The following F2RL1 variants were observed in gnomAD, a reference collection of about 807,000 sequenced individuals.
F2RL1 encodes F2R like trypsin receptor 1, also known as proteinase-activated receptor 2.
A neutral mutation model predicts 21.7 loss-of-function variants in F2RL1; 16 were observed. The observed-to-expected ratio is 0.74, with a 90% CI of 0.50 to 1.12. The LOEUF is 1.12. Ranked by LOEUF, F2RL1 falls within the 50% of genes most tolerant of loss-of-function variation. The pLI, the probability that F2RL1 is intolerant of heterozygous loss-of-function variation, is 0.00. For synonymous variants in F2RL1, 181 were observed against 186.7 expected, an observed-to-expected ratio of 0.97 and a Z score of 0.25; for missense variants, 432 against 477.8, an observed-to-expected ratio of 0.90 and a Z score of 0.89.
Position 76,833,619 on chromosome 5 carries a change from T to C in F2RL1, c.1012T>C (p.Cys338Arg). ...CCTCTGCCTCTCTACCCTTAACAGCTGCATCGACCCCTTTGTCTATTACTT... is the reference window on the plus strand; with the variant it reads ...CCTCTGCCTCTCTACCCTTAACAGCCGCATCGACCCCTTTGTCTATTACTT... Reference protein sequence around the residue: ...VALCLSTLNSCIDPFVYYFVS... With the variant: ...VALCLSTLNSRIDPFVYYFVS... Residue 338 changes from cysteine to arginine, a missense_variant, in exon 2 of 2, where the codon TGC (cysteine) becomes CGC (arginine). Coordinates refer to ENST00000296677, the MANE Select transcript of F2RL1 (RefSeq NM_005242.6). The C allele has an allele frequency of 6.2e-7, 1 of 1,613,954 alleles. No individual in the cohort carries two copies. The highest frequency in any genetic ancestry group is 8.5e-7 in the Non-Finnish European group (1 of 1,179,998).
intron 1 of F2RL1, among the ~76,000 whole-genome samples, chr5:76,821,145 C>T (rs1319906738): frequency 2.4e-4 from 36 of 152,102 alleles, no homozygotes; most frequent in Admixed American, 2.4e-3. Context: ...CGAACTCAGC[C>T]GAGATCACAA....
In F2RL1 at chr5:76,833,599, G is replaced by A. The variant is rs1292835141; in HGVS notation, c.992G>A (p.Cys331Tyr). Reference sequence around the variant, plus strand: ...TATGCCCTGTACATTGTAGCCCTCTGCCTCTCTACCCTTAACAGCTGCATC... The same window carrying A: ...TATGCCCTGTACATTGTAGCCCTCTACCTCTCTACCCTTAACAGCTGCATC... ...HVYALYIVALCLSTLNSCIDP... is the reference protein window; with the variant it reads ...HVYALYIVALYLSTLNSCIDP... The change falls in exon 2 of 2, where the codon TGC becomes TAC. Residue 331 changes from cysteine to tyrosine, a missense_variant. Physicochemically the swap from Cys to Tyr is radical, Grantham distance 194 (BLOSUM62 -2). Coordinates refer to ENST00000296677, the MANE Select transcript of F2RL1 (RefSeq NM_005242.6). 2 of 1,613,662 alleles carry A rather than the reference G, an allele frequency of 1.2e-6. No individual in the cohort carries two copies. Among genetic ancestry groups the A allele is most frequent in the East Asian group, 2.2e-5 (1 of 44,840 alleles).
intron 1 of F2RL1, among the ~76,000 whole-genome samples, chr5:76,819,636 GGCTT>G (rs1429578053): frequency 6.6e-6 from 1 of 152,170 alleles, no homozygotes; most frequent in Non-Finnish European, 1.5e-5. Flanking sequence ...CCCCTCCCCG[GGCTT>G]GGTTGCTTTG....
rs186459219 is a variant in F2RL1, at chr5:76,825,487, G to T, written c.82+6223G>T. Among the ~76,000 whole-genome samples the T allele has an allele frequency of 1.9e-3, 293 of 152,280 alleles. 7 individuals are homozygous for T. The highest frequency in any genetic ancestry group is 2.9e-4 in the Non-Finnish European group (20 of 68,034). On this transcript the variant is annotated intron_variant, in intron 1 of 1. Transcript: ENST00000296677. Reference sequence around the variant, plus strand: ...TGCTGCCTTGAGCATCTGTGAGTGTGTATTTTCACACACTTGGGCAATAAT... The same window carrying T: ...TGCTGCCTTGAGCATCTGTGAGTGTTTATTTTCACACACTTGGGCAATAAT...
rs1328536763 is a variant in F2RL1 at position 76,832,953 on chromosome 5, A to G, written c.346A>G (p.Asn116Asp). 4 of 1,614,222 alleles carry G rather than the reference A, an allele frequency of 2.5e-6. No individual in the cohort carries two copies. Among genetic ancestry groups the G allele is most frequent in the South Asian group, 1.1e-5 (1 of 91,078 alleles). Residue 116 changes from asparagine (N) to aspartate (D), a missense_variant, in exon 2 of 2, where the codon AAT becomes GAT. Transcript: ENST00000296677. ...KKHPAVIYMA[N>D]LALADLLSVI... ...GCACCCTGCTGTGATTTACATGGCC[A>G]ATCTGGCCTTGGCTGACCTCCTCTC... is the stretch of plus-strand genomic sequence containing the variant.
chr5:76,824,263 C>T (rs1473699805), intron 1 of F2RL1, among the ~76,000 whole-genome samples: 12 of 141,964 alleles, frequency 8.5e-5, no homozygotes, highest in South Asian at 4.6e-4. Flanking sequence ...TTTTTTTAGA[C>T]GGAGCTCCCA....
At position 76,833,549 on chromosome 5, in the gene F2RL1, TAAGAGCCAGGGC is replaced by T; in HGVS notation, c.943_954del (p.Lys315_Gly318del). 6.2e-7 allele frequency: 1 copy of T among 1,613,676 alleles called. No individual in the cohort carries two copies. Among genetic ancestry groups the T allele is most frequent in the Non-Finnish European group, 8.5e-7 (1 of 1,179,970 alleles). Reference sequence around the variant, plus strand: ...TGCTTGTGGTGCATTATTTTCTGATTAAGAGCCAGGGCCAGAGCCATGTCTATGCCCTGTACA... The same window carrying T: ...TGCTTGTGGTGCATTATTTTCTGATTCAGAGCCATGTCTATGCCCTGTACA... On this transcript the variant is annotated inframe_deletion, in exon 2 of 2. Coordinates refer to ENST00000296677, the MANE Select transcript of F2RL1 (RefSeq NM_005242.6).
intron 1 of F2RL1, among the ~76,000 whole-genome samples, chr5:76,819,949 C>T (rs1035883933): frequency 6.6e-6 from 1 of 152,142 alleles, no homozygotes; most frequent in African/African-American, 2.4e-5. Flanking sequence ...TGGTAATGAG[C>T]GCTCAGGCCC....
chr5:76,834,061 T>G lies in F2RL1; in HGVS notation c.*260T>G. 5.1e-6 allele frequency: 2 copies of G among 392,026 alleles called. No homozygotes were observed. The highest frequency in any genetic ancestry group is 9.1e-6 in the Non-Finnish European group (2 of 219,904). 24.3% of individuals were successfully genotyped at this position (392,026 alleles called of 1,614,324 possible). A position where few individuals can be genotyped will look rare whatever the true frequency, so the allele number is the denominator to read the frequency against. ...CAGAAGCAGACTTTTCAGAAGATGG[T>G]GAAGACAGAAACCCAGTAACTTGCA... On this transcript the variant is annotated 3_prime_UTR_variant, in exon 2 of 2. Transcript: ENST00000296677.
chr5:76,833,569 A>G lies in F2RL1; in HGVS notation c.962A>G (p.His321Arg). 1 of 1,613,716 alleles carries G rather than the reference A, an allele frequency of 6.2e-7. No individual in the cohort carries two copies. The highest frequency in any genetic ancestry group is 8.5e-7 in the Non-Finnish European group (1 of 1,179,950). ...YFLIKSQGQS[H>R]VYALYIVALC... ...CTGATTAAGAGCCAGGGCCAGAGCC[A>G]TGTCTATGCCCTGTACATTGTAGCC... The change falls in exon 2 of 2, where the codon CAT becomes CGT. Residue 321 changes from histidine (H) to arginine (R), a missense_variant. By Grantham distance (29) the His-to-Arg change is conservative. Transcript: ENST00000296677.
At chr5:76,824,295 G>A (rs903457144) in intron 1 of F2RL1, among the ~76,000 whole-genome samples, 8 of 151,384 alleles carry the variant, frequency 5.3e-5, no homozygotes, top group African/African-American at 1.9e-4. Flanking sequence ...CTATGGCTAG[G>A]TTGCCACTAT....
chr5:76,829,094 C>A (rs2243049), intron 1 of F2RL1, among the ~76,000 whole-genome samples: 3 of 150,018 alleles, frequency 2.0e-5, no homozygotes. Flanking sequence ...CCAGCCTGGG[C>A]GACAGAGTAA....
At chr5:76,826,121 C>T (rs914291214) in intron 1 of F2RL1, among the ~76,000 whole-genome samples, 1 of 152,164 alleles carries the variant, frequency 6.6e-6, no homozygotes, top group Admixed American at 6.5e-5. Context: ...CACTCCTCTT[C>T]CCTGTTATTT....
chr5:76,831,189 C>G (rs1310254281), intron 1 of F2RL1, among the ~76,000 whole-genome samples: 2 of 152,124 alleles, frequency 1.3e-5, no homozygotes, highest in Non-Finnish European at 2.9e-5. Context: ...GCTTGAAAGT[C>G]TGTCATCAGT....
In F2RL1 at chr5:76,832,808, T is replaced by C. The variant is rs752228507; in HGVS notation, c.201T>C (p.Ser67=). 5.0e-6 allele frequency: 8 copies of C among 1,614,264 alleles called. No individual in the cohort carries two copies. Among genetic ancestry groups the C allele is most frequent in the Non-Finnish European group, 6.8e-6 (8 of 1,180,042 alleles). Residue 67 remains serine (S), a synonymous_variant, in exon 2 of 2, where the codon TCT becomes TCC. Transcript: ENST00000296677. ...TTTCTGTGGATGAGTTTTCTGCATC[T>C]GTCCTCACTGGAAAACTGACCACTG... The part of the protein sequence containing the change: ...TVFSVDEFSA[S]VLTGKLTTVF...
Position 76,819,113 on chromosome 5 carries a change from A to T in F2RL1, c.-70A>T. ...AGGCTGACTTTCTCTCGGTGCGTCC[A>T]GTGGAGCTCTGAGTTTCGAATCGGC... On this transcript the variant is annotated 5_prime_UTR_variant, in exon 1 of 2. Transcript: ENST00000296677. 2 of 1,273,952 alleles carry T rather than the reference A, an allele frequency of 1.6e-6. No individual in the cohort carries two copies. The highest frequency in any genetic ancestry group is 2.2e-6 in the Non-Finnish European group (2 of 911,212). 78.9% of individuals were successfully genotyped at this position (1,273,952 alleles called of 1,614,324 possible).
chr5:76,826,058 A>G (rs1442837847), intron 1 of F2RL1, among the ~76,000 whole-genome samples: 1 of 152,176 alleles, frequency 6.6e-6, no homozygotes, highest in Non-Finnish European at 1.5e-5. Context: ...CTCAACTTCA[A>G]TAATTATTAA....
intron 1 of F2RL1, among the ~76,000 whole-genome samples, chr5:76,826,499 T>C (rs2150605887): frequency 6.6e-6 from 1 of 152,260 alleles, no homozygotes; most frequent in Non-Finnish European, 1.5e-5. Flanking sequence ...GATTCATCCA[T>C]GTATCTATGT....
chr5:76,833,708 AAAGCAGATG>A lies in F2RL1; in HGVS notation c.1102_1110del (p.Lys368_Met370del). On this transcript the variant is annotated inframe_deletion, in exon 2 of 2. Coordinates refer to ENST00000296677, the MANE Select transcript of F2RL1 (RefSeq NM_005242.6). ...TCCTTTGCCGAAGTGTCCGCACTGT[AAAGCAGATG>A]CAAGTATCCCTCACCTCAAAGAAAC... 1 of 1,614,038 alleles carries A rather than the reference AAAGCAGATG, an allele frequency of 6.2e-7. No homozygotes were observed. Among genetic ancestry groups the A allele is most frequent in the East Asian group, 2.2e-5 (1 of 44,850 alleles).
Sources: gnomAD v4.1 joint callset for allele counts (sites outside exome capture counted in the v4.1 genomes callset) on GRCh38, gnomAD v4.1.1 for gene constraint, MANE v1.5 for transcripts, NCBI Gene and HGNC (gene_info 2026-07-23, HGNC 2026-07-21) for gene names.